POLR1C: variants seen among roughly 807,000 people sequenced by gnomAD.
The protein encoded by POLR1C is RNA polymerase I and III subunit C, also known as DNA-directed RNA polymerases I and III subunit RPAC1.
Under a neutral mutation model 38.3 loss-of-function variants are expected in POLR1C, and 42 were observed. The observed-to-expected ratio is 1.10, with a 90% confidence interval of 0.86 to 1.42. POLR1C has a LOEUF of 1.42. POLR1C is among the 40% of genes most tolerant of loss of function. The pLI, the probability that POLR1C is intolerant of heterozygous loss-of-function variation, is 0.00. For synonymous variants in POLR1C, 163 were observed against 163.9 expected (o/e 0.99, Z 0.04); for missense variants, 507 against 450.5 (o/e 1.13, Z -1.14).
downstream of POLR1C, among the ~76,000 whole-genome samples, chr6:43,531,797 CT>C (rs112626043): frequency 0.033 from 5,019 of 149,992 alleles, 268 homozygotes; most frequent in African/African-American, 0.11. Flanking sequence ...CTTTTATCTG[CT>C]TTTTTTTTTC....
intron 10 of POLR1C, chr6:43,553,325 A>G: frequency 6.4e-7 from 1 of 1,568,370 alleles, no homozygotes; most frequent in Non-Finnish European, 8.6e-7. Flanking sequence ...AAAAGAAAAG[A>G]AAAAGGTCAA....
Position 43,539,405 on chromosome 6 carries a change from G to T in POLR1C, c.*4+10046G>T, listed in dbSNP as rs1363857225. On this transcript the variant is annotated intron_variant, in intron 9 of 10. Coordinates refer to the POLR1C transcript ENST00000607635. ...CTTCAAAACCTCATCCTTGAGAGAG[G>T]CCCCCAGGAAAAAGTCAATGATCTC... is the stretch of plus-strand genomic sequence containing the variant. 15 of 1,572,530 alleles carry T rather than the reference G, an allele frequency of 9.5e-6. No homozygotes were observed. The East Asian group carries it at 2.7e-4, about 28-fold the overall frequency.
intron 10 of POLR1C, chr6:43,560,298 T>C (rs1402930631): frequency 6.2e-7 from 1 of 1,605,614 alleles, no homozygotes; most frequent in Admixed American, 1.7e-5. Context: ...TTGAAGAGCG[T>C]AGAAACTAAA....
intron 10 of POLR1C, chr6:43,553,330 G>T: frequency 1.3e-6 from 2 of 1,577,156 alleles, no homozygotes; most frequent in South Asian, 1.2e-5. Flanking sequence ...AAAAGAAAAA[G>T]GTCAAAATAA....
chr6:43,518,366 G>A (rs887757942), intron 2 of POLR1C, among the ~76,000 whole-genome samples: 8 of 152,172 alleles, frequency 5.3e-5, no homozygotes, highest in African/African-American at 1.7e-4. Flanking sequence ...TTTGGCTTGG[G>A]AACTGCTTTG....
chr6:43,544,181 G>T, intron 9 of POLR1C: 1 of 160,254 alleles, frequency 6.2e-6, no homozygotes, highest in East Asian at 1.7e-4. Context: ...AAGTCAAGCT[G>T]AGTCTGCTGT....
chr6:43,527,750 C>T lies in POLR1C; in HGVS notation c.923-1499C>T, dbSNP rs774820403. 22 of 1,613,288 alleles carry T rather than the reference C, an allele frequency of 1.4e-5. 1 individual carries two copies. The highest frequency in any genetic ancestry group is 1.6e-4 in the Middle Eastern group (1 of 6,062). ...TTCTCCACTGCAGAAAACCAGGGGG[C>T]CAAGTTCCACAGGAGTGCAGAAAAG... On this transcript the variant is annotated intron_variant, in intron 8 of 8. Transcript: ENST00000304004.
At chr6:43,536,629 C>T (rs1794339801) in intron 9 of POLR1C, among the ~76,000 whole-genome samples, 1 of 150,750 alleles carries the variant, frequency 6.6e-6, no homozygotes. Context: ...CATGGTGGCA[C>T]ACGCCTGTAA....
chr6:43,522,691 A>G (rs1340113717), downstream of POLR1C: 2 of 493,482 alleles, frequency 4.1e-6, no homozygotes, highest in Non-Finnish European at 4.2e-6. Context: ...GCTTCAGTCC[A>G]CTTCGGCTCT....
chr6:43,545,792 C>G (rs1250976235), intron 9 of POLR1C, among the ~76,000 whole-genome samples: 1 of 151,928 alleles, frequency 6.6e-6, no homozygotes, highest in Admixed American at 6.6e-5. Context: ...TATAAAAAAA[C>G]CTATCTTTTC....
At chr6:43,561,707 A>C (rs1238407838) in exon 11 of POLR1C, 1 of 153,182 alleles carries the variant, frequency 6.5e-6, no homozygotes, top group African/African-American at 2.4e-5. Context: ...CTCTGAAACT[A>C]TCCTCTCTAA....
At position 43,520,997 on chromosome 6, in the gene POLR1C, G is replaced by A; in HGVS notation, c.871G>A (p.Glu291Lys). ...CTTCAGCAGAGAAATCTTCCGGAAT[G>A]AGAAGCTAAAGAAGGTTGTGAGGCT... ...DTFSREIFRN[E>K]KLKKVVRLAR... is the part of the protein sequence containing the mutation. The change falls in exon 8 of 9, where the codon GAG becomes AAG. Residue 291 changes from glutamate to lysine, a missense_variant. Coordinates refer to ENST00000642195, the MANE Select transcript of POLR1C (RefSeq NM_203290.4). 6.2e-7 allele frequency: 1 copy of A among 1,614,212 alleles called. No individual in the cohort carries two copies. Among genetic ancestry groups the A allele is most frequent in the Non-Finnish European group, 8.5e-7 (1 of 1,180,034 alleles).
intron 10 of POLR1C, chr6:43,561,037 G>A (rs372214869): frequency 1.2e-5 from 18 of 1,555,254 alleles, no homozygotes; most frequent in Non-Finnish European, 1.5e-5. Context: ...TATTAACGGT[G>A]TTGATCGAGA....
chr6:43,546,724 C>G (rs1284756283), intron 9 of POLR1C: 2 of 1,610,186 alleles, frequency 1.2e-6, no homozygotes, highest in Non-Finnish European at 1.7e-6. Context: ...TTTCACCACA[C>G]CCAGAATGCT....
At chr6:43,548,759 T>C (rs1795089212) in intron 9 of POLR1C, among the ~76,000 whole-genome samples, 1 of 151,058 alleles carries the variant, frequency 6.6e-6, no homozygotes, top group South Asian at 2.1e-4. Flanking sequence ...TATATATATA[T>C]GGAGATAACT....
At chr6:43,533,266 G>C (rs1352187090), downstream of POLR1C, 13 of 125,106 alleles carry the variant, frequency 1.0e-4, no homozygotes, top group South Asian at 2.7e-4. Context: ...ACACACACGA[G>C]GAGGCAGGAA....
At chr6:43,524,424 T>C (rs1401974512), downstream of POLR1C, 4 of 1,588,818 alleles carry the variant, frequency 2.5e-6, no homozygotes, top group African/African-American at 4.1e-5. Flanking sequence ...CCCATACACA[T>C]GATTTAAGAA....
downstream of POLR1C, chr6:43,523,445 ACT>A (rs1311038340): frequency 2.9e-6 from 1 of 339,348 alleles, no homozygotes; most frequent in Non-Finnish European, 5.8e-6. Context: ...TCCAAGAGAA[ACT>A]CTGGCACAAG....
intron 9 of POLR1C, chr6:43,549,664 G>A (rs1795135451): frequency 1.4e-6 from 2 of 1,455,766 alleles, no homozygotes; most frequent in South Asian, 1.3e-5. Context: ...TCTCAGTCAG[G>A]GGCAAATTCA....
Sources: gnomAD v4.1 joint callset for allele counts (sites outside exome capture counted in the v4.1 genomes callset) on GRCh38, gnomAD v4.1.1 for gene constraint, MANE v1.5 for transcripts, NCBI Gene and HGNC (gene_info 2026-07-23, HGNC 2026-07-21) for gene names.